The following SV2B variants were observed in gnomAD, a reference collection of about 807,000 sequenced individuals.
SV2B encodes the protein synaptic vesicle glycoprotein 2B.
In SV2B, 41 loss-of-function variants were observed where a neutral mutation model predicts 73.9. The observed-to-expected ratio is 0.56, with a 90% CI of 0.43 to 0.72. SV2B has a LOEUF of 0.72. Among genes scored for constraint, SV2B ranks in the 30% least tolerant of loss-of-function variants. SV2B has a pLI of 0.00. For synonymous variants in SV2B, 314 were observed against 314.2 expected, an observed-to-expected ratio of 1.00 and a Z score of 0.01; for missense variants, 764 against 857.8, an observed-to-expected ratio of 0.89 and a Z score of 1.37.
chr15:91,133,649 G>T (rs1030868551), intron 1 of SV2B, among the ~76,000 whole-genome samples: 2 of 152,118 alleles, frequency 1.3e-5, no homozygotes, highest in Non-Finnish European at 2.9e-5. Context: ...GCAGGTGCTC[G>T]CTGGCTGCTG....
At chr15:91,249,070 A>T (rs374550803) in intron 2 of SV2B, among the ~76,000 whole-genome samples, 7 of 14,354 alleles carry the variant, frequency 4.9e-4, no homozygotes, top group African/African-American at 1.1e-3. Flanking sequence ...CTACGTTTTC[A>T]CACACACACA....
intron 1 of SV2B, among the ~76,000 whole-genome samples, chr15:91,225,065 A>G (rs2046329941): frequency 6.6e-6 from 1 of 152,270 alleles, no homozygotes; most frequent in Non-Finnish European, 1.5e-5. Context: ...CTTTATGCAC[A>G]ACCTTATGAA....
rs1006311722 is a variant in SV2B, at chr15:91,223,956, T to C, written c.-391-1917T>C. Among the ~76,000 whole-genome samples, 1 of 152,246 alleles carries C rather than the reference T, an allele frequency of 6.6e-6. No individual in the cohort carries two copies. The highest frequency in any genetic ancestry group is 2.4e-5 in the African/African-American group (1 of 41,468). ...TGTCTTTCAGGGAGGGGTCCTGGAATTGGCATTTCTGTTGAGCCGCCCACG... is the reference window on the plus strand; with the variant it reads ...TGTCTTTCAGGGAGGGGTCCTGGAACTGGCATTTCTGTTGAGCCGCCCACG... On this transcript the variant is annotated intron_variant, in intron 1 of 12. Coordinates refer to ENST00000394232, the MANE Select transcript of SV2B (RefSeq NM_001323032.3). The surrounding 1 kb of genome is among the most constrained non-coding windows in gnomAD (Gnocchi z 4.6).
Position 91,289,541 on chromosome 15 carries a change from G to T in SV2B, c.1729G>T (p.Ala577Ser). 2 of 1,614,242 alleles carry T rather than the reference G, an allele frequency of 1.2e-6. No homozygotes were observed. Among genetic ancestry groups the T allele is most frequent in the Non-Finnish European group, 1.7e-6 (2 of 1,180,046 alleles). ...KMIGGSMLIS[A>S]VCCFFLFFGN... is the part of the protein sequence containing the mutation. ...TGCAGGTGGCTCCATGCTAATCTCT[G>T]CAGTCTGCTGCTTCTTCCTGTTTTT... The change falls in exon 12 of 13, where the codon GCA becomes TCA. Residue 577 changes from alanine to serine, a missense_variant. Physicochemically the swap from Ala to Ser is moderately conservative, Grantham distance 99. Transcript: ENST00000394232. This position sits in a 1 kb window ranked among gnomAD's most constrained non-coding sequence, Gnocchi z 4.9.
intron 6 of SV2B, 37 bp downstream of exon 6, chr15:91,260,446 C>A: frequency 6.7e-7 from 1 of 1,483,448 alleles, no homozygotes; most frequent in Non-Finnish European, 9.2e-7. Flanking sequence ...GAAGGGGGTT[C>A]TCCTCTTCAC....
chr15:91,100,078 T>C (rs947036426), upstream of SV2B: 2 of 152,330 alleles, frequency 1.3e-5, no homozygotes, highest in African/African-American at 4.8e-5. This position sits in a 1 kb window ranked among gnomAD's most constrained non-coding sequence, Gnocchi z 6.4. Context: ...CGAATACTTT[T>C]AATGCCCGGG....
At chr15:91,194,462 A>G (rs1204318061) in intron 1 of SV2B, among the ~76,000 whole-genome samples, 1 of 152,198 alleles carries the variant, frequency 6.6e-6, no homozygotes, top group African/African-American at 2.4e-5. Context: ...TGGTGGCCAT[A>G]CGCACTCTTT....
chr15:91,211,887 C>T (rs1351881348), intron 1 of SV2B, among the ~76,000 whole-genome samples: 1 of 151,158 alleles, frequency 6.6e-6, no homozygotes, highest in Non-Finnish European at 1.5e-5. Context: ...GAGATCCTCC[C>T]GCATCAGCCT....
intron 1 of SV2B, among the ~76,000 whole-genome samples, chr15:91,173,501 G>T (rs1427811596): frequency 1.3e-5 from 2 of 152,162 alleles, no homozygotes; most frequent in Admixed American, 6.5e-5. Flanking sequence ...CTCTGTCATA[G>T]ATTGTATCAT....
At chr15:91,272,255 G>A (rs2048340815) in intron 9 of SV2B, among the ~76,000 whole-genome samples, 1 of 152,198 alleles carries the variant, frequency 6.6e-6, no homozygotes, top group African/African-American at 2.4e-5. Context: ...GAGCCAAAAT[G>A]TCAGGCCAGG....
chr15:91,135,488 C>A (rs1160610503), intron 1 of SV2B, among the ~76,000 whole-genome samples: 2 of 152,186 alleles, frequency 1.3e-5, no homozygotes, highest in African/African-American at 4.8e-5. Flanking sequence ...CTTCATGGTA[C>A]ATTATCTCTG....
rs1198631814 is a variant in SV2B, at chr15:91,241,599, C to A, written c.452-10220C>A. 1.3e-5 allele frequency among the ~76,000 whole-genome samples: 2 copies of A among 152,144 alleles called. No homozygotes were observed. The highest frequency in any genetic ancestry group is 4.8e-5 in the African/African-American group (2 of 41,414). On this transcript the variant is annotated intron_variant, in intron 2 of 12. Transcript: ENST00000394232. The surrounding 1 kb of genome is among the most constrained non-coding windows in gnomAD (Gnocchi z 4.8). ...AACTCAGTTCCTCCTGAACTGAGAA[C>A]AACAGAAGTAACCGGAGAAGAACTT...
intron 1 of SV2B, among the ~76,000 whole-genome samples, chr15:91,169,513 G>A (rs762157606): frequency 2.0e-5 from 3 of 149,228 alleles, no homozygotes; most frequent in South Asian, 2.1e-4. Context: ...AGCTGAGCTA[G>A]GAGACCCTTT....
rs1015359055 is a variant in SV2B, at chr15:91,240,774, A to T, written c.452-11045A>T. Among the ~76,000 whole-genome samples, 1 of 152,112 alleles carries T rather than the reference A, an allele frequency of 6.6e-6. No individual in the cohort carries two copies. Among genetic ancestry groups the T allele is most frequent in the Non-Finnish European group, 1.5e-5 (1 of 68,028 alleles). ...TTACCATCCACATTTGCATTCCCGT[A>T]TGACACTGTACATGCCTCCGTTCCC... On this transcript the variant is annotated intron_variant, in intron 2 of 12. Coordinates refer to ENST00000394232, the MANE Select transcript of SV2B (RefSeq NM_001323032.3). This position sits in a 1 kb window ranked among gnomAD's most constrained non-coding sequence, Gnocchi z 4.6.
Position 91,137,628 on chromosome 15 carries a change from CATATATTTCATATATACAT to C in SV2B, c.-392+37289_-392+37307del, listed in dbSNP as rs1435485314. Among the ~76,000 whole-genome samples, 63 of 34,902 alleles carry C rather than the reference CATATATTTCATATATACAT, an allele frequency of 1.8e-3. 1 individual carries two copies. In the South Asian group the frequency reaches 0.042, roughly 23 times the overall value. 22.9% of individuals were successfully genotyped at this position (34,902 alleles called of 152,430 possible). On this transcript the variant is annotated intron_variant, in intron 1 of 12. Coordinates refer to ENST00000394232, the MANE Select transcript of SV2B (RefSeq NM_001323032.3). This position sits in a 1 kb window ranked among gnomAD's most constrained non-coding sequence, Gnocchi z 4.9. Reference sequence around the variant, plus strand: ...ATTTCATATATATATTTCATATATACATATATTTCATATATACATATATATTTCATATATACATATATTT... The same window carrying C: ...ATTTCATATATATATTTCATATATACATATATTTCATATATACATATATTT...
rs1162375053 is a variant in SV2B, at chr15:91,239,656, A to T, written c.452-12163A>T. The stretch of plus-strand genomic sequence containing the variant: ...ATGATTATTTAAACCAATCAGATAG[A>T]GTCTTTCATTAGTATGGTTTCTTTT... On this transcript the variant is annotated intron_variant, in intron 2 of 12. Coordinates refer to ENST00000394232, the MANE Select transcript of SV2B (RefSeq NM_001323032.3). The surrounding 1 kb of genome is among the most constrained non-coding windows in gnomAD (Gnocchi z 5.1). Among the ~76,000 whole-genome samples, 1 of 152,028 alleles carries T rather than the reference A, an allele frequency of 6.6e-6. No homozygotes were observed. The highest frequency in any genetic ancestry group is 1.9e-4 in the East Asian group (1 of 5,184).
chr15:91,274,692 G>A lies in SV2B; in HGVS notation c.1373+6087G>A, dbSNP rs138836680. Among the ~76,000 whole-genome samples, 775 of 152,178 alleles carry A rather than the reference G, an allele frequency of 5.1e-3. 7 individuals carry two copies. The highest frequency in any genetic ancestry group is 0.018 in the African/African-American group (748 of 41,528). On this transcript the variant is annotated intron_variant, in intron 9 of 12. Coordinates refer to ENST00000394232, the MANE Select transcript of SV2B (RefSeq NM_001323032.3). ...TTCATCTCACCAGCTATTTAGAAGT[G>A]CATTTTAAGTGTCAAAATACCGTTA...
rs888335710 is a variant in SV2B at position 91,265,475 on chromosome 15, C to T, written c.1009-1107C>T. ...TCCCAAAGGAAGACTGTTATTTTCC[C>T]CAAGGAGCAAAGAAAGGAAAAACTG... On this transcript the variant is annotated intron_variant, in intron 6 of 12. Transcript: ENST00000394232. This position sits in a 1 kb window ranked among gnomAD's most constrained non-coding sequence, Gnocchi z 4.2. Among the ~76,000 whole-genome samples, 1 of 152,196 alleles carries T rather than the reference C, an allele frequency of 6.6e-6. No individual in the cohort carries two copies. Among genetic ancestry groups the T allele is most frequent in the African/African-American group, 2.4e-5 (1 of 41,444 alleles).
chr15:91,180,891 C>T (rs1349566037), intron 1 of SV2B, among the ~76,000 whole-genome samples: 1 of 152,240 alleles, frequency 6.6e-6, no homozygotes, highest in Admixed American at 6.5e-5. Flanking sequence ...CTTCTCTCAA[C>T]TCGTCAAAGT....
Sources: allele counts gnomAD v4.1 joint callset (sites outside exome capture counted in the v4.1 genomes callset), GRCh38; gene constraint gnomAD v4.1.1; non-coding constraint Gnocchi (gnomAD v3.1); transcripts MANE v1.5; gene names NCBI Gene and HGNC (gene_info 2026-07-23, HGNC 2026-07-21).